MSRB2: variants seen among roughly 807,000 people sequenced by gnomAD.
The protein encoded by MSRB2 is methionine sulfoxide reductase B2.
A neutral mutation model predicts 19.0 loss-of-function variants in MSRB2; 17 were observed. That is an observed-to-expected ratio of 0.89 (90% CI 0.61 to 1.34). MSRB2 has a LOEUF of 1.34. Ranked by LOEUF, MSRB2 falls within the 40% of genes most tolerant of loss-of-function variation. The pLI is 0.00. For missense variants in MSRB2, 208 were observed against 237.6 expected (o/e 0.88, Z 0.82); for synonymous variants, 107 against 99.7 (o/e 1.07, Z -0.44).
intron 2 of MSRB2, among the ~76,000 whole-genome samples, chr10:23,106,982 C>T (rs889650926): frequency 1.3e-5 from 2 of 152,202 alleles, no homozygotes; most frequent in Non-Finnish European, 2.9e-5. Flanking sequence ...GAATCTTGAA[C>T]ATCATTCTCT....
At chr10:23,110,348 G>T (rs778796439) in intron 3 of MSRB2, 30 bp downstream of exon 3, 5 of 1,574,002 alleles carry the variant, frequency 3.2e-6, no homozygotes, top group Non-Finnish European at 4.4e-6. Flanking sequence ...GCCACGGAAG[G>T]AGACCAAACC....
At chr10:23,107,556 A>G (rs1839997166) in intron 2 of MSRB2, among the ~76,000 whole-genome samples, 1 of 152,196 alleles carries the variant, frequency 6.6e-6, no homozygotes, top group Non-Finnish European at 1.5e-5. Flanking sequence ...ACTTCCTCCC[A>G]TCTCAGATAA....
At chr10:23,102,626 A>T (rs889042541) in intron 1 of MSRB2, among the ~76,000 whole-genome samples, 1 of 152,228 alleles carries the variant, frequency 6.6e-6, no homozygotes, top group East Asian at 1.9e-4. Flanking sequence ...GGTGATGCTA[A>T]CTTAGCCTAC....
chr10:23,108,976 A>C (rs1037958586), intron 2 of MSRB2, among the ~76,000 whole-genome samples: 1 of 152,248 alleles, frequency 6.6e-6, no homozygotes, highest in Non-Finnish European at 1.5e-5. Flanking sequence ...AGCTCACTGC[A>C]AATGTGCTGT....
At chr10:23,110,802 C>G (rs1326522769) in intron 3 of MSRB2, among the ~76,000 whole-genome samples, 1 of 152,082 alleles carries the variant, frequency 6.6e-6, no homozygotes, top group Non-Finnish European at 1.5e-5. Flanking sequence ...ACCATACCCT[C>G]TTCTATATAG....
chr10:23,098,530 G>A (rs1839891779), intron 1 of MSRB2, among the ~76,000 whole-genome samples: 1 of 152,202 alleles, frequency 6.6e-6, no homozygotes, highest in African/African-American at 2.4e-5. Context: ...TTTTCATAGT[G>A]AAGATAGCAA....
chr10:23,105,244 A>G (rs1206503096), intron 2 of MSRB2, among the ~76,000 whole-genome samples: 3 of 135,992 alleles, frequency 2.2e-5, no homozygotes, highest in South Asian at 2.4e-4. Context: ...GTGTGTGTGT[A>G]TACAAGTTTC....
intron 1 of MSRB2, among the ~76,000 whole-genome samples, chr10:23,101,450 CA>C (rs1159576115): frequency 8.5e-5 from 13 of 152,160 alleles, no homozygotes; most frequent in Non-Finnish European, 1.5e-4. Context: ...TTTGCAATTG[CA>C]AATTGTGCTA....
intron 1 of MSRB2, among the ~76,000 whole-genome samples, chr10:23,102,212 C>T (rs558740536): frequency 1.3e-5 from 2 of 152,294 alleles, no homozygotes; most frequent in African/African-American, 4.8e-5. Flanking sequence ...CTTGCTAAAC[C>T]ATTTGAGAGT....
chr10:23,113,827 G>A (rs1482557815), intron 3 of MSRB2, among the ~76,000 whole-genome samples: 1 of 152,110 alleles, frequency 6.6e-6, no homozygotes, highest in African/African-American at 2.4e-5. Context: ...TACCTTAGAA[G>A]GTAGGAAGAG....
intron 3 of MSRB2, chr10:23,119,079 C>T (rs1214134958): frequency 1.5e-6 from 1 of 655,676 alleles, no homozygotes; most frequent in Non-Finnish European, 2.8e-6. Context: ...AAGTCTTTAG[C>T]ATCAAAGGAT....
chr10:23,096,472 T>G (rs113495035), intron 1 of MSRB2, among the ~76,000 whole-genome samples: 1,588 of 152,150 alleles, frequency 0.01, 26 homozygotes, highest in African/African-American at 0.035. Context: ...CAGCTACCCC[T>G]GTATTTCAGT....
At chr10:23,119,735 C>T (rs985124473) in intron 4 of MSRB2, among the ~76,000 whole-genome samples, 5 of 152,158 alleles carry the variant, frequency 3.3e-5, no homozygotes, top group African/African-American at 4.8e-5. Flanking sequence ...GTTGGGATTA[C>T]AGGTGCCTGC....
chr10:23,117,981 T>C (rs1840131733), intron 3 of MSRB2, among the ~76,000 whole-genome samples: 1 of 152,136 alleles, frequency 6.6e-6, no homozygotes, highest in Admixed American at 6.5e-5. Context: ...TCAAGTAAAA[T>C]GCAAAATTCA....
intron 1 of MSRB2, among the ~76,000 whole-genome samples, chr10:23,100,921 A>T (rs927570900): frequency 6.6e-6 from 1 of 152,214 alleles, no homozygotes; most frequent in Non-Finnish European, 1.5e-5. Context: ...TGCAAAAGTG[A>T]AATCTGTTGA....
chr10:23,100,987 TTTTTG>T (rs374985718), intron 1 of MSRB2, among the ~76,000 whole-genome samples: 41 of 152,164 alleles, frequency 2.7e-4, no homozygotes, highest in East Asian at 1.4e-3. Context: ...TGGAAAAGGT[TTTTTG>T]TTTTGTTTTG....
At chr10:23,118,606 G>A (rs573547935) in intron 3 of MSRB2, among the ~76,000 whole-genome samples, 162 of 152,148 alleles carry the variant, frequency 1.1e-3, no homozygotes, top group Admixed American at 6.8e-3. Context: ...GTACCCAGGC[G>A]TATTAATTAA....
chr10:23,116,339 G>A (rs1840109949), intron 3 of MSRB2, among the ~76,000 whole-genome samples: 1 of 152,200 alleles, frequency 6.6e-6, no homozygotes, highest in Non-Finnish European at 1.5e-5. Flanking sequence ...CAGGCACTTG[G>A]AAGGGGGAGC....
At chr10:23,097,221 G>C (rs945161106) in intron 1 of MSRB2, among the ~76,000 whole-genome samples, 1 of 152,186 alleles carries the variant, frequency 6.6e-6, no homozygotes, top group Non-Finnish European at 1.5e-5. Context: ...ATGATAAACG[G>C]AGTATTTCTG....
Sources: allele counts gnomAD v4.1 joint callset (sites outside exome capture counted in the v4.1 genomes callset), GRCh38; gene constraint gnomAD v4.1.1; transcripts MANE v1.5; gene names NCBI Gene and HGNC (gene_info 2026-07-23, HGNC 2026-07-21).